Variants in CKMT2 observed in about 807,000 individuals in gnomAD.
CKMT2 encodes the protein creatine kinase, mitochondrial 2.
In CKMT2, 43 loss-of-function variants were observed where a neutral mutation model predicts 48.9. The ratio of observed to expected loss-of-function variants is 0.88; its 90% CI spans 0.69 to 1.13. The LOEUF is 1.13. CKMT2 is among the 50% of genes most tolerant of loss of function. The probability of loss-of-function intolerance (pLI) is 0.00; values close to 1 mark genes in which losing one functional copy is unlikely to be tolerated. For missense variants in CKMT2, 472 were observed against 555.4 expected (o/e 0.85, Z 1.51); for synonymous variants, 206 against 213.0 (o/e 0.97, Z 0.29).
intron 1 of CKMT2, chr5:81,239,256 C>T (rs1756353609): frequency 6.6e-6 from 1 of 152,260 alleles, no homozygotes; most frequent in African/African-American, 2.4e-5. Flanking sequence ...CTTAATTCAA[C>T]TCTCCAAATT....
chr5:81,259,913 T>C (rs1441563589), intron 8 of CKMT2, among the ~76,000 whole-genome samples: 1 of 152,204 alleles, frequency 6.6e-6, no homozygotes, highest in Non-Finnish European at 1.5e-5. Flanking sequence ...ATCAACAGAA[T>C]ATGTACATTC....
At chr5:81,255,977 CT>C (rs1756995165) in intron 5 of CKMT2, among the ~76,000 whole-genome samples, 1 of 152,158 alleles carries the variant, frequency 6.6e-6, no homozygotes, top group Non-Finnish European at 1.5e-5. Context: ...TGGTTTCCTG[CT>C]TAAGGGACAT....
chr5:81,262,767 T>G (rs1306879106), intron 8 of CKMT2, among the ~76,000 whole-genome samples: 2 of 152,240 alleles, frequency 1.3e-5, no homozygotes, highest in Non-Finnish European at 1.5e-5. Context: ...GAAGACAGTG[T>G]GGCAATTCCT....
chr5:81,254,825 G>A, intron 4 of CKMT2, 168 bp from the exon 5 acceptor site: 1 of 645,582 alleles, frequency 1.5e-6, no homozygotes. Context: ...CTAGTCGAAG[G>A]TCCGTGCCCC....
chr5:81,259,041 T>C (rs773138460), intron 7 of CKMT2, 79 bp from the exon 8 acceptor site: 1 of 1,392,778 alleles, frequency 7.2e-7, no homozygotes, highest in East Asian at 2.3e-5. Context: ...TACACATCTC[T>C]CTCTCTGGTG....
intron 5 of CKMT2, among the ~76,000 whole-genome samples, chr5:81,255,524 G>T (rs1217541441): frequency 6.6e-6 from 1 of 152,220 alleles, no homozygotes; most frequent in African/African-American, 2.4e-5. Context: ...TGATAAATGG[G>T]AACAGTTAGG....
In CKMT2 at chr5:81,238,079, A is replaced by G. The variant is rs1756304756; in HGVS notation, c.-21+4702A>G. The G allele has an allele frequency of 2.0e-5, 3 of 152,230 alleles. No individual in the cohort carries two copies. The South Asian group carries it at 6.2e-4, about 31-fold the overall frequency. The allele number at this position is 152,230 out of a possible 1,614,324, so 9.4% of individuals were successfully genotyped here. On this transcript the variant is annotated intron_variant, in intron 1 of 9. Transcript: ENST00000254035. ...GCTGGGCGTGGTGGCTCACACCTGTAATCCCAGCATTTTGGGAGGCCAAGG... is the reference window on the plus strand; with the variant it reads ...GCTGGGCGTGGTGGCTCACACCTGTGATCCCAGCATTTTGGGAGGCCAAGG...
intron 1 of CKMT2, chr5:81,242,655 A>G (rs1756475928): frequency 4.2e-6 from 1 of 235,806 alleles, no homozygotes; most frequent in Admixed American, 5.0e-5. Flanking sequence ...TAGTGAGAAA[A>G]AGGCGTTTAT....
At chr5:81,258,048 AC>A (rs919876546) in intron 7 of CKMT2, 192 bp downstream of exon 7, 1 of 449,510 alleles carries the variant, frequency 2.2e-6, no homozygotes, top group Non-Finnish European at 4.0e-6. Flanking sequence ...TACAGGTGCC[AC>A]CACCACACCT....
intron 7 of CKMT2, among the ~76,000 whole-genome samples, chr5:81,258,688 C>A (rs1757101182): frequency 6.6e-6 from 1 of 152,118 alleles, no homozygotes; most frequent in South Asian, 2.1e-4. Flanking sequence ...GTCAGATCAG[C>A]AGAGGCATGA....
rs1481797477 is a variant in CKMT2 at position 81,252,903 on chromosome 5, T to C, written c.351+10T>C. ...CGAGGAGTCCTATGAGGTAAAACTA[T>C]TGGCTGCTGGTTCCAGGGTGGGAGG... On this transcript the variant is annotated intron_variant, in intron 3 of 9. Coordinates refer to ENST00000254035, the MANE Select transcript of CKMT2 (RefSeq NM_001099735.2). The C allele has an allele frequency of 1.2e-6, 2 of 1,613,970 alleles. No individual in the cohort carries two copies. The highest frequency in any genetic ancestry group is 1.7e-4 in the Middle Eastern group (1 of 6,034).
At position 81,263,267 on chromosome 5, in the gene CKMT2, T is replaced by C. The variant is rs113089798; in HGVS notation, c.1015-224T>C. 7.8e-3 allele frequency among the ~76,000 whole-genome samples: 1,182 copies of C among 151,900 alleles called. 13 individuals carry two copies. Among genetic ancestry groups the C allele is most frequent in the African/African-American group, 0.026 (1,098 of 41,442 alleles). Reference sequence around the variant, plus strand: ...GCAGCAAACCACCATGGCACATGTATACCTATTTAACAAACCTGCACGTTC... The same window carrying C: ...GCAGCAAACCACCATGGCACATGTACACCTATTTAACAAACCTGCACGTTC... On this transcript the variant is annotated intron_variant, in intron 8 of 9. Coordinates refer to ENST00000254035, the MANE Select transcript of CKMT2 (RefSeq NM_001099735.2).
chr5:81,240,086 C>T (rs1393123508), intron 1 of CKMT2, among the ~76,000 whole-genome samples: 2 of 152,100 alleles, frequency 1.3e-5, no homozygotes, highest in Non-Finnish European at 2.9e-5. Context: ...TTCTCCCTAC[C>T]TGAAACATAT....
chr5:81,242,472 TC>T, intron 1 of CKMT2: 1 of 499,592 alleles, frequency 2.0e-6, no homozygotes. Context: ...GCCTACTCAT[TC>T]CCCTAGTTTC....
In CKMT2 at chr5:81,266,137, A is replaced by G. The variant is rs766237861; in HGVS notation, c.1141-2A>G. The G allele has an allele frequency of 2.7e-5, 43 of 1,611,698 alleles. No individual in the cohort carries two copies. Among genetic ancestry groups the G allele is most frequent in the Non-Finnish European group, 3.6e-5 (43 of 1,178,162 alleles). On this transcript the variant is annotated splice_acceptor_variant, in intron 9 of 9. Transcript: ENST00000254035. LOFTEE classifies it high-confidence loss of function. The stretch of plus-strand genomic sequence containing the variant: ...AATCATTCATCTTCTTCACTGTCAA[A>G]GGTTGAGCTTGTTCAGATAGTCATC...
chr5:81,242,841 T>A (rs1756483077), intron 1 of CKMT2, among the ~76,000 whole-genome samples: 1 of 152,226 alleles, frequency 6.6e-6, no homozygotes, highest in Non-Finnish European at 1.5e-5. Context: ...CTGAGTTCTA[T>A]GACAGTGGTC....
At chr5:81,254,027 T>TGTAACCCACAAGAG (rs1163623483) in intron 3 of CKMT2, among the ~76,000 whole-genome samples, 1 of 152,204 alleles carries the variant, frequency 6.6e-6, no homozygotes, top group Non-Finnish European at 1.5e-5. Flanking sequence ...GGTAGCTTCT[T>TGTAACCCACAAGAG]GTAACCCACA....
chr5:81,258,783 G>A (rs1196677619), intron 7 of CKMT2, among the ~76,000 whole-genome samples: 1 of 152,202 alleles, frequency 6.6e-6, no homozygotes, highest in African/African-American at 2.4e-5. Context: ...ACTAATGCCT[G>A]ATGATCTGAG....
At chr5:81,253,091 C>A (rs578004572) in intron 3 of CKMT2, among the ~76,000 whole-genome samples, 198 bp downstream of exon 3, 46 of 152,346 alleles carry the variant, frequency 3.0e-4, no homozygotes, top group African/African-American at 1.1e-3. Context: ...TTCCCAGGGA[C>A]AAGGCTTCCC....
Sources: gnomAD v4.1 joint callset for allele counts (sites outside exome capture counted in the v4.1 genomes callset) on GRCh38, gnomAD v4.1.1 for gene constraint, MANE v1.5 for transcripts, NCBI Gene and HGNC (gene_info 2026-07-23, HGNC 2026-07-21) for gene names.